Variants in KIF26A observed in about 807,000 individuals in gnomAD.
The protein encoded by KIF26A is kinesin family member 26A.
In KIF26A, 74 loss-of-function variants were observed where a neutral mutation model predicts 126.0. The observed-to-expected ratio is 0.59, with a 90% CI of 0.49 to 0.71. The LOEUF (loss-of-function observed/expected upper bound fraction) is 0.71. KIF26A is among the 30% of genes least tolerant of loss of function. KIF26A has a pLI of 0.00. For missense variants in KIF26A, 2,984 were observed against 2,763.3 expected, an observed-to-expected ratio of 1.08 and a Z score of -1.79; for synonymous variants, 1,445 against 1,232.7, an observed-to-expected ratio of 1.17 and a Z score of -3.61.
chr14:104,165,384 CTG>C (rs1277924446), intron 4 of KIF26A, among the ~76,000 whole-genome samples: 4 of 107,166 alleles, frequency 3.7e-5, no homozygotes, highest in African/African-American at 8.9e-5. Context: ...GCATGTGTCT[CTG>C]TGTCTGTATG....
intron 2 of KIF26A, among the ~76,000 whole-genome samples, chr14:104,146,065 G>A (rs551920978): frequency 2.0e-5 from 3 of 152,346 alleles, no homozygotes; most frequent in African/African-American, 7.2e-5. Context: ...AGTCACCCAG[G>A]TCTGAGTTGG....
At chr14:104,156,196 C>T (rs928028031) in intron 3 of KIF26A, among the ~76,000 whole-genome samples, 6 of 152,244 alleles carry the variant, frequency 3.9e-5, no homozygotes, top group Non-Finnish European at 7.3e-5. Context: ...CTTTAAAGAT[C>T]ACTCTTTCCT....
intron 4 of KIF26A, among the ~76,000 whole-genome samples, chr14:104,160,324 C>T (rs1370606686): frequency 6.6e-6 from 1 of 152,066 alleles, no homozygotes; most frequent in Admixed American, 6.5e-5. Flanking sequence ...CACAAGCACC[C>T]CCCAGCCGGA....
In KIF26A at chr14:104,176,249, G is replaced by A. The variant is rs772959806; in HGVS notation, c.3461G>A (p.Gly1154Glu). The change falls in exon 12 of 15, where the codon GGG becomes GAG. Residue 1154 changes from glycine to glutamate, a missense_variant. By Grantham distance (98) the Gly-to-Glu change is moderately conservative. Coordinates refer to ENST00000423312, the MANE Select transcript of KIF26A (RefSeq NM_015656.2). ...CCCCCTGCCCTGGATGGTTCCCTGGGGGATGGAAGCTCTGGGTTCCTGGGG... is the reference window on the plus strand; with the variant it reads ...CCCCCTGCCCTGGATGGTTCCCTGGAGGATGGAAGCTCTGGGTTCCTGGGG... The part of the protein sequence containing the change: ...GGPPALDGSL[G>E]DGSSGFLGPD... 2 of 1,599,140 alleles carry A rather than the reference G, an allele frequency of 1.3e-6. No individual in the cohort carries two copies. The highest frequency in any genetic ancestry group is 1.1e-5 in the South Asian group (1 of 88,978).
intron 2 of KIF26A, among the ~76,000 whole-genome samples, chr14:104,146,217 G>A (rs923945001): frequency 1.3e-5 from 2 of 152,236 alleles, no homozygotes; most frequent in Non-Finnish European, 2.9e-5. Flanking sequence ...CCCTAGGGCT[G>A]TGCAGGGAGG....
chr14:104,158,523 C>T (rs1323339007), intron 4 of KIF26A, among the ~76,000 whole-genome samples: 1 of 152,222 alleles, frequency 6.6e-6, no homozygotes, highest in Non-Finnish European at 1.5e-5. Context: ...TTGGCAGGTC[C>T]AGCTCCACCA....
chr14:104,174,254 C>T lies in KIF26A; in HGVS notation c.2137C>T (p.Leu713Phe), dbSNP rs1203152956. Residue 713 changes from leucine (L) to phenylalanine (F), a missense_variant, in exon 11 of 15, where the codon CTC becomes TTC. Transcript: ENST00000423312. ...TGCGCCAGCCCAGCACGCAGAGACA[C>T]TCAGCACCGTGCAGCTCGCCGCCCG... is the stretch of plus-strand genomic sequence containing the variant. Reference protein sequence around the residue: ...SDAPAQHAETLSTVQLAARIH... With the variant: ...SDAPAQHAETFSTVQLAARIH... 1.9e-6 allele frequency: 3 copies of T among 1,576,050 alleles called. No individual in the cohort carries two copies. The highest frequency in any genetic ancestry group is 1.8e-5 in the Admixed American group (1 of 54,716).
rs766172067 is a variant in KIF26A, at chr14:104,175,907, T to C, written c.3119T>C (p.Leu1040Pro). ...DELVFTVVEE[L>P]SLGALAGAGR... is the part of the protein sequence containing the mutation. The stretch of plus-strand genomic sequence containing the variant: ...CTGGTGTTCACGGTGGTGGAGGAGC[T>C]GTCCCTGGGGGCGCTTGCCGGAGCT... The change falls in exon 12 of 15, where the codon CTG becomes CCG. Residue 1040 changes from leucine (L) to proline (P), a missense_variant. By Grantham distance (98) the Leu-to-Pro change is moderately conservative. Coordinates refer to ENST00000423312, the MANE Select transcript of KIF26A (RefSeq NM_015656.2). The C allele has an allele frequency of 1.3e-6, 2 of 1,545,106 alleles. No individual in the cohort carries two copies. The highest frequency in any genetic ancestry group is 1.7e-6 in the Non-Finnish European group (2 of 1,150,482).
chr14:104,138,698 G>C lies in KIF26A; in HGVS notation c.-25G>C, dbSNP rs1314164246. On this transcript the variant is annotated 5_prime_UTR_variant, in exon 1 of 15. Coordinates refer to ENST00000423312, the MANE Select transcript of KIF26A (RefSeq NM_015656.2). ...AGAGCCAGCGTGGCCGGGAGCGCCT[G>C]CCGGGCTCTTCCCGCGCCCCGGCCA... The C allele has an allele frequency of 3.2e-6, 4 of 1,268,512 alleles. No homozygotes were observed. The highest frequency in any genetic ancestry group is 3.1e-4 in the Middle Eastern group (1 of 3,246). 78.6% of individuals were successfully genotyped at this position (1,268,512 alleles called of 1,614,324 possible).
At chr14:104,162,622 C>T (rs1376192140) in intron 4 of KIF26A, among the ~76,000 whole-genome samples, 1 of 152,186 alleles carries the variant, frequency 6.6e-6, no homozygotes, top group African/African-American at 2.4e-5. Flanking sequence ...GCCCTATTGC[C>T]CACAGCCTTG....
chr14:104,174,840 G>A (rs1222662179), intron 11 of KIF26A, 142 bp from the exon 12 acceptor site: 18 of 862,040 alleles, frequency 2.1e-5, no homozygotes, highest in East Asian at 8.1e-5. Context: ...CGCTCCCAGC[G>A]TTTGGTGGGA....
chr14:104,179,654 C>T lies in KIF26A; in HGVS notation c.5513C>T (p.Ala1838Val), dbSNP rs7157156. Reference sequence around the variant, plus strand: ...GAGCCCGAGTCGGCCGAGTACCTGGCGGCCCTGGAGCGAGCCACGGCGGCC... The same window carrying T: ...GAGCCCGAGTCGGCCGAGTACCTGGTGGCCCTGGAGCGAGCCACGGCGGCC... ...ELEPESAEYL[A>V]ALERATAALE... The change falls in exon 15 of 15, where the codon GCG (alanine) becomes GTG (valine). Residue 1838 changes from alanine (A) to valine (V), a missense_variant. Ala to Val is a moderately conservative substitution (Grantham distance 64). Transcript: ENST00000423312. The T allele has an allele frequency of 6.3e-4, 975 of 1,545,502 alleles. 5 individuals are homozygous for T. In the African/African-American group the frequency reaches 0.011, roughly 18 times the overall value.
chr14:104,174,922 C>T lies in KIF26A; in HGVS notation c.2194-60C>T, dbSNP rs566514475. ...ATTGGCCCTGTGCTCTGGGGAGGGT[C>T]GGGGAAGCGGGGGCGTGTAGGGGAG... On this transcript the variant is annotated intron_variant, in intron 11 of 14. Transcript: ENST00000423312. 3.8e-4 allele frequency: 553 copies of T among 1,448,652 alleles called. 1 individual carries two copies. The African/African-American group carries it at 6.9e-3, about 18-fold the overall frequency. 89.7% of individuals were successfully genotyped at this position (1,448,652 alleles called of 1,614,324 possible).
At chr14:104,172,697 G>C in intron 7 of KIF26A, 29 bp downstream of exon 7, 1 of 1,533,950 alleles carries the variant, frequency 6.5e-7, no homozygotes, top group Admixed American at 1.7e-5. Flanking sequence ...CCCTAGATGG[G>C]TCCTGCTGGC....
At position 104,175,514 on chromosome 14, in the gene KIF26A, A is replaced by G; in HGVS notation, c.2726A>G (p.Gln909Arg). Residue 909 changes from glutamine to arginine, a missense_variant, in exon 12 of 15, where the codon CAG becomes CGG. Transcript: ENST00000423312. ...PRGSSGPDTHQGTPEPCKAIV... is the reference protein window; with the variant it reads ...PRGSSGPDTHRGTPEPCKAIV... ...GGCAGTTCTGGTCCAGACACCCACCAGGGTACCCCTGAGCCCTGCAAGGCC... is the reference window on the plus strand; with the variant it reads ...GGCAGTTCTGGTCCAGACACCCACCGGGGTACCCCTGAGCCCTGCAAGGCC... The G allele has an allele frequency of 6.3e-7, 1 of 1,598,688 alleles. No individual in the cohort carries two copies. The highest frequency in any genetic ancestry group is 1.3e-5 in the African/African-American group (1 of 75,022).
rs781419521 is a variant in KIF26A, at chr14:104,175,252, AG to A, written c.2465del (p.Ser822ThrfsTer120). 6.2e-7 allele frequency: 1 copy of A among 1,607,692 alleles called. No homozygotes were observed. On this transcript the variant is annotated frameshift_variant, in exon 12 of 15. Coordinates refer to ENST00000423312, the MANE Select transcript of KIF26A (RefSeq NM_015656.2). LOFTEE classifies it high-confidence loss of function. ...PDFVPIIPAL[S>X]RHRPSKGPRD... The stretch of plus-strand genomic sequence containing the variant: ...CTTCGTGCCCATCATCCCTGCCCTG[AG>A]CCGCCACCGGCCCTCCAAGGGTCCC...
At chr14:104,163,705 G>A (rs1025633589) in intron 4 of KIF26A, among the ~76,000 whole-genome samples, 2 of 151,738 alleles carry the variant, frequency 1.3e-5, no homozygotes, top group Non-Finnish European at 2.9e-5. Context: ...GAGCATGCGC[G>A]GCACGGGGCG....
At chr14:104,143,741 C>T (rs949907814) in intron 2 of KIF26A, among the ~76,000 whole-genome samples, 1 of 152,248 alleles carries the variant, frequency 6.6e-6, no homozygotes, top group African/African-American at 2.4e-5. Context: ...TGCTTGGAGC[C>T]TGGCCCGGCT....
chr14:104,165,165 C>T (rs1566860616), intron 4 of KIF26A, among the ~76,000 whole-genome samples: 4 of 150,306 alleles, frequency 2.7e-5, no homozygotes, highest in South Asian at 2.1e-4. Context: ...GTGTGTATCT[C>T]TATGCATGTG....
Sources: allele counts gnomAD v4.1 joint callset (sites outside exome capture counted in the v4.1 genomes callset), GRCh38; gene constraint gnomAD v4.1.1; transcripts MANE v1.5; gene names NCBI Gene and HGNC (gene_info 2026-07-23, HGNC 2026-07-21).